Variants in SREBF1 observed in about 807,000 individuals in gnomAD.
SREBF1 encodes sterol regulatory element binding transcription factor 1.
SREBF1 carries 45 observed loss-of-function variants against 100.1 expected under a neutral mutation model. The observed-to-expected ratio is 0.45, with a 90% CI of 0.35 to 0.58. The LOEUF (loss-of-function observed/expected upper bound fraction) is 0.58. SREBF1 is among the 20% of genes least tolerant of loss of function. The probability of loss-of-function intolerance (pLI) is 0.00; values close to 1 mark genes in which losing one functional copy is unlikely to be tolerated. For synonymous variants in SREBF1, 657 were observed against 681.8 expected, an observed-to-expected ratio of 0.96 and a Z score of 0.57; for missense variants, 1,324 against 1,539.4, an observed-to-expected ratio of 0.86 and a Z score of 2.34.
intron 1 of SREBF1, among the ~76,000 whole-genome samples, chr17:17,829,205 A>AAAAAAAAAAAAAAAAT (rs1210718799): frequency 3.0e-5 from 2 of 65,870 alleles, no homozygotes; most frequent in African/African-American, 1.8e-4. Context: ...AAAAAAAAAA[A>AAAAAAAAAAAAAAAAT]ATATATATAT....
At chr17:17,835,107 G>A (rs2035148728) in intron 1 of SREBF1, among the ~76,000 whole-genome samples, 1 of 152,222 alleles carries the variant, frequency 6.6e-6, no homozygotes, top group Admixed American at 6.5e-5. Flanking sequence ...AAGGTTTAGA[G>A]GGTGAGAGGG....
chr17:17,818,635 T>C (rs894510986), intron 5 of SREBF1: 2 of 552,246 alleles, frequency 3.6e-6, no homozygotes, highest in African/African-American at 4.0e-5. Context: ...AGGGAGGCCT[T>C]CCCTGGCTAC....
chr17:17,817,930 G>A lies in SREBF1; in HGVS notation c.1184-14C>T. On this transcript the variant is annotated splice_polypyrimidine_tract_variant and intron_variant, in intron 6 of 18. Coordinates refer to ENST00000261646, the MANE Select transcript of SREBF1 (RefSeq NM_004176.5). The surrounding 1 kb of genome is among the most constrained non-coding windows in gnomAD (Gnocchi z 6.6). Reference sequence around the variant, plus strand: ...CCTTCAGAGATTCTGTGGGCCGAAAGGAACAGAGCCAGGAGTAAAGGCTGG... The same window carrying A: ...CCTTCAGAGATTCTGTGGGCCGAAAAGAACAGAGCCAGGAGTAAAGGCTGG... 1 of 1,599,718 alleles carries A rather than the reference G, an allele frequency of 6.3e-7. No individual in the cohort carries two copies. The highest frequency in any genetic ancestry group is 8.5e-7 in the Non-Finnish European group (1 of 1,179,728).
Position 17,817,304 on chromosome 17 carries a change from T to C in SREBF1, c.1558A>G (p.Ser520Gly). ...RGLPSPSDTT[S>G]VYHSPGRNVL... ...TTGCGCCCAGGGCTATGGTAGACGC[T>C]GGTGGTATCTGAGGGGCTGGGAAGC... is the stretch of plus-strand genomic sequence containing the variant. The change falls in exon 8 of 19, where the codon AGC becomes GGC. Residue 520 changes from serine to glycine, a missense_variant. By Grantham distance (56) the Ser-to-Gly change is moderately conservative (BLOSUM62 0). Transcript: ENST00000261646. The surrounding 1 kb of genome is among the most constrained non-coding windows in gnomAD (Gnocchi z 6.6). The C allele has an allele frequency of 6.2e-7, 1 of 1,606,914 alleles. No homozygotes were observed. Among genetic ancestry groups the C allele is most frequent in the South Asian group, 1.1e-5 (1 of 89,996 alleles).
In SREBF1 at chr17:17,815,897, G is replaced by A; in HGVS notation, c.2346C>T (p.Thr782=). Residue 782 remains threonine, a synonymous_variant, in exon 12 of 19, where the codon ACC becomes ACT. Transcript: ENST00000261646. ...CCAAGCTGTACAGGCTCTCCCATGG[G>A]GTACTGAGCACGGACCAGTCCCCAT... The part of the protein sequence containing the change: ...FVDGDWSVLS[T]PWESLYSLAG... 6.2e-7 allele frequency: 1 copy of A among 1,612,988 alleles called. No individual in the cohort carries two copies. The highest frequency in any genetic ancestry group is 8.5e-7 in the Non-Finnish European group (1 of 1,179,938).
Position 17,812,847 on chromosome 17 carries a change from C to G in SREBF1, c.3219G>C (p.Ala1073=). ...RRAGPGGKGG[A]VAELEPRPTR... is the part of the protein sequence containing the mutation. ...TGGGCCGCGGCTCCAGCTCCGCCAC[C>G]GCGCCTGCGCACACGAGGATGTGTC... The change falls in exon 19 of 19, where the codon GCG becomes GCC. Residue 1073 remains alanine (A), a synonymous_variant. Transcript: ENST00000261646. 6.8e-7 allele frequency: 1 copy of G among 1,469,738 alleles called. No individual in the cohort carries two copies. Among genetic ancestry groups the G allele is most frequent in the South Asian group, 1.3e-5 (1 of 74,410 alleles). The allele number at this position is 1,469,738 out of a possible 1,614,324, so 91.0% of individuals were successfully genotyped here.
At chr17:17,814,585 C>T (rs375637668) in intron 15 of SREBF1, 30 bp downstream of exon 15, 1 of 1,537,274 alleles carries the variant, frequency 6.5e-7, no homozygotes, top group African/African-American at 1.4e-5. Context: ...GAGCCCGGGA[C>T]CAGGCAGGAG....
chr17:17,816,930 G>GC (rs779691100), intron 9 of SREBF1, 28 bp downstream of exon 9: 1 of 1,612,428 alleles, frequency 6.2e-7, no homozygotes, highest in Non-Finnish European at 8.5e-7. Context: ...TCCCTGCCCT[G>GC]CCCACTCTGC....
chr17:17,836,874 C>A lies in SREBF1; in HGVS notation c.-57G>T. 3 of 1,431,786 alleles carry A rather than the reference C, an allele frequency of 2.1e-6. No homozygotes were observed. Among genetic ancestry groups the A allele is most frequent in the Non-Finnish European group, 2.7e-6 (3 of 1,091,778 alleles). 88.7% of individuals were successfully genotyped at this position (1,431,786 alleles called of 1,614,324 possible). A position where few individuals can be genotyped will look rare whatever the true frequency, so the allele number is the denominator to read the frequency against. ...GGCCCGCCGCCTCGTACGGCCCTTC[C>A]TAGGGAGCGCCGCCGCGGCCCCGGC... On this transcript the variant is annotated 5_prime_UTR_variant, in exon 1 of 19. In the 5' UTR this introduces an upstream ATG that the reference lacks. Transcript: ENST00000261646.
At chr17:17,813,918 G>GC (rs1164200511) in intron 16 of SREBF1, 149 bp from the exon 17 acceptor site, 1 of 860,116 alleles carries the variant, frequency 1.2e-6, no homozygotes, top group Non-Finnish European at 1.8e-6. Context: ...GCAATGCACC[G>GC]CGGGGCCGCC....
Position 17,819,267 on chromosome 17 carries a change from A to ATG in SREBF1, c.847-35_847-34dup, listed in dbSNP as rs72248634. ...GCCAGGCACATGTTACCAGGTGGGCATGTGTGTGTGTGTGTAGACCCCACT... is the reference window on the plus strand; with the variant it reads ...GCCAGGCACATGTTACCAGGTGGGCATGTGTGTGTGTGTGTGTAGACCCCACT... On this transcript the variant is annotated intron_variant, in intron 4 of 18. Transcript: ENST00000261646. 5,180 of 1,603,614 alleles carry ATG rather than the reference A, an allele frequency of 3.2e-3. 63 individuals are homozygous for ATG. In the African/African-American group the frequency reaches 0.048, roughly 15 times the overall value.
intron 1 of SREBF1, among the ~76,000 whole-genome samples, chr17:17,829,205 A>AATATATATATATATATATATAT (rs71155305): frequency 3.0e-5 from 2 of 65,846 alleles, no homozygotes; most frequent in African/African-American, 1.8e-4. Context: ...AAAAAAAAAA[A>AATATATATATATATATATATAT]ATATATATAT....
In SREBF1 at chr17:17,812,472, C is replaced by T. The variant is rs1044610399; in HGVS notation, c.*150G>A. On this transcript the variant is annotated 3_prime_UTR_variant, in exon 19 of 19. Coordinates refer to ENST00000261646, the MANE Select transcript of SREBF1 (RefSeq NM_004176.5). ...TCAAGATCGCGCCCCTCGGGCCTTC[C>T]ACCGCGAAGGCACACAGCAGCCGCA... 11 of 826,150 alleles carry T rather than the reference C, an allele frequency of 1.3e-5. No homozygotes were observed. In the South Asian group the frequency reaches 1.9e-4, roughly 14 times the overall value. 51.2% of individuals were successfully genotyped at this position (826,150 alleles called of 1,614,324 possible). A position where few individuals can be genotyped will look rare whatever the true frequency, so the allele number is the denominator to read the frequency against.
chr17:17,825,569 C>G (rs573136655), intron 1 of SREBF1, among the ~76,000 whole-genome samples: 1 of 150,788 alleles, frequency 6.6e-6, no homozygotes, highest in East Asian at 1.9e-4. Flanking sequence ...AACCCTGGCT[C>G]ACTCTCCCCT....
chr17:17,829,858 T>G (rs1047927080), intron 1 of SREBF1, among the ~76,000 whole-genome samples: 3 of 152,208 alleles, frequency 2.0e-5, no homozygotes, highest in Admixed American at 1.3e-4. Context: ...CAGGCTGGTC[T>G]TGAACTCCCA....
chr17:17,812,060 A>AAGAC lies in SREBF1; in HGVS notation c.*558_*561dup, dbSNP rs1567947761. The AAGAC allele has an allele frequency of 2.3e-6, 1 of 438,902 alleles. No individual in the cohort carries two copies. The highest frequency in any genetic ancestry group is 2.8e-5 in the Admixed American group (1 of 35,972). 27.2% of individuals were successfully genotyped at this position (438,902 alleles called of 1,614,324 possible). On this transcript the variant is annotated 3_prime_UTR_variant, in exon 19 of 19. Coordinates refer to ENST00000261646, the MANE Select transcript of SREBF1 (RefSeq NM_004176.5). ...CACTAGTCAGCACATCCATCAGCTG[A>AAGAC]AGACACAAAACCCAGATTATAAATA...
Position 17,815,898 on chromosome 17 carries a change from G to T in SREBF1, c.2345C>A (p.Thr782Asn), listed in dbSNP as rs1380441371. 6.2e-7 allele frequency: 1 copy of T among 1,612,982 alleles called. No homozygotes were observed. Among genetic ancestry groups the T allele is most frequent in the Non-Finnish European group, 8.5e-7 (1 of 1,179,932 alleles). Reference protein sequence around the residue: ...FVDGDWSVLSTPWESLYSLAG... With the variant: ...FVDGDWSVLSNPWESLYSLAG... Reference sequence around the variant, plus strand: ...CAAGCTGTACAGGCTCTCCCATGGGGTACTGAGCACGGACCAGTCCCCATC... The same window carrying T: ...CAAGCTGTACAGGCTCTCCCATGGGTTACTGAGCACGGACCAGTCCCCATC... The change falls in exon 12 of 19, where the codon ACC (threonine) becomes AAC (asparagine). Residue 782 changes from threonine (T) to asparagine (N), a missense_variant. By Grantham distance (65) the Thr-to-Asn change is moderately conservative. Coordinates refer to ENST00000261646, the MANE Select transcript of SREBF1 (RefSeq NM_004176.5).
chr17:17,836,921 C>T lies in SREBF1; in HGVS notation c.-104G>A. The T allele has an allele frequency of 8.9e-7, 1 of 1,122,956 alleles. No homozygotes were observed. The highest frequency in any genetic ancestry group is 1.2e-6 in the Non-Finnish European group (1 of 837,706). 69.6% of individuals were successfully genotyped at this position (1,122,956 alleles called of 1,614,324 possible). A position where few individuals can be genotyped will look rare whatever the true frequency, so the allele number is the denominator to read the frequency against. Reference sequence around the variant, plus strand: ...CGGCTCTCAGTCGCCGCCGCCGCTCCGCGCGTTCGTGTCCTGCCCTGGCCT... The same window carrying T: ...CGGCTCTCAGTCGCCGCCGCCGCTCTGCGCGTTCGTGTCCTGCCCTGGCCT... On this transcript the variant is annotated 5_prime_UTR_variant, in exon 1 of 19. Transcript: ENST00000261646.
At position 17,816,561 on chromosome 17, in the gene SREBF1, C is replaced by T. The variant is rs776022873; in HGVS notation, c.1943G>A (p.Arg648Gln). 43 of 1,604,140 alleles carry T rather than the reference C, an allele frequency of 2.7e-5. 1 individual carries two copies. The Admixed American group carries it at 2.7e-4, about 10-fold the overall frequency. Reference protein sequence around the residue: ...RLWVGRWLAGRAGGLQQDCAL... With the variant: ...RLWVGRWLAGQAGGLQQDCAL... ...ACAGTCCTGCTGCAGGCCCCCTGCC[C>T]GGCCTGCCAGCCAGCGGCCCACCCA... The change falls in exon 10 of 19, where the codon CGG (arginine) becomes CAG (glutamine). Residue 648 changes from arginine to glutamine, a missense_variant. Physicochemically the swap from Arg to Gln is conservative, Grantham distance 43. Coordinates refer to ENST00000261646, the MANE Select transcript of SREBF1 (RefSeq NM_004176.5).
Sources: allele counts gnomAD v4.1 joint callset (sites outside exome capture counted in the v4.1 genomes callset), GRCh38; gene constraint gnomAD v4.1.1; non-coding constraint Gnocchi (gnomAD v3.1); transcripts MANE v1.5; gene names NCBI Gene and HGNC (gene_info 2026-07-23, HGNC 2026-07-21).